Variants in MYO9B observed in about 807,000 individuals in gnomAD.
MYO9B encodes myosin IXB.
MYO9B carries 71 observed loss-of-function variants against 229.5 expected under a neutral mutation model. The observed-to-expected ratio is 0.31, with a 90% confidence interval of 0.26 to 0.38. The LOEUF (loss-of-function observed/expected upper bound fraction) is 0.38. Among genes scored for constraint, MYO9B ranks in the 10% least tolerant of loss-of-function variants. The pLI is 1.00. For synonymous variants in MYO9B, 1,185 were observed against 1,235.8 expected, an observed-to-expected ratio of 0.96 and a Z score of 0.86; for missense variants, 2,255 against 2,920.5, an observed-to-expected ratio of 0.77 and a Z score of 5.25.
intron 2 of MYO9B, among the ~76,000 whole-genome samples, chr19:17,134,311 T>C (rs890380362): frequency 2.6e-5 from 4 of 151,544 alleles, no homozygotes; most frequent in Admixed American, 1.3e-4. Flanking sequence ...CTTATTAACA[T>C]AGTATCCCTC....
At chr19:17,159,229 C>T (rs949451378) in intron 7 of MYO9B, among the ~76,000 whole-genome samples, 166 bp from the exon 8 acceptor site, 1 of 98,236 alleles carries the variant, frequency 1.0e-5, no homozygotes, top group African/African-American at 4.0e-5. Context: ...AAAACCAGCA[C>T]ATCGCGGGTG....
chr19:17,107,717 CAG>C (rs2057805764), intron 2 of MYO9B, among the ~76,000 whole-genome samples: 1 of 152,246 alleles, frequency 6.6e-6, no homozygotes, highest in South Asian at 2.1e-4. Flanking sequence ...CCTCTGTCGT[CAG>C]GGGCGTTCTT....
chr19:17,076,586 C>T (rs574301276), intron 1 of MYO9B, among the ~76,000 whole-genome samples: 8 of 152,024 alleles, frequency 5.3e-5, no homozygotes, highest in Non-Finnish European at 1.0e-4. Context: ...ATTCCGTCCC[C>T]CCACCCTCCC....
Position 17,203,104 on chromosome 19 carries a change from G to A in MYO9B, c.4879-43G>A, listed in dbSNP as rs202185320. ...CATCCACCAGTGGCTGGGGAGGGCT[G>A]CCTTCCCCTTTCCCTGCCCAGCGCC... is the stretch of plus-strand genomic sequence containing the variant. On this transcript the variant is annotated intron_variant, in intron 29 of 39. Transcript: ENST00000682292. The A allele has an allele frequency of 2.0e-6, 3 of 1,509,022 alleles. No homozygotes were observed. In the East Asian group the frequency reaches 7.4e-5, roughly 37 times the overall value. The allele number at this position is 1,509,022 out of a possible 1,614,324, so 93.5% of individuals were successfully genotyped here. A position where few individuals can be genotyped will look rare whatever the true frequency, so the allele number is the denominator to read the frequency against.
intron 2 of MYO9B, among the ~76,000 whole-genome samples, chr19:17,108,327 T>C (rs1568665489): frequency 6.6e-6 from 1 of 152,010 alleles, no homozygotes; most frequent in Non-Finnish European, 1.5e-5. Context: ...CTGGGGCGAC[T>C]GTTTGCAAAG....
chr19:17,188,637 G>A (rs1330204445), intron 19 of MYO9B, among the ~76,000 whole-genome samples: 1 of 152,054 alleles, frequency 6.6e-6, no homozygotes, highest in Non-Finnish European at 1.5e-5. Flanking sequence ...GATAAGAAAA[G>A]CAAAATTATA....
At chr19:17,138,665 C>T (rs1002774981) in intron 2 of MYO9B, among the ~76,000 whole-genome samples, 5 of 152,156 alleles carry the variant, frequency 3.3e-5, no homozygotes, top group East Asian at 1.9e-4. Flanking sequence ...TTAATCTGTT[C>T]GGGCTACTGT....
Position 17,134,127 on chromosome 19 carries a change from T to C in MYO9B, c.841-11270T>C, listed in dbSNP as rs1599357111. Among the ~76,000 whole-genome samples, 3 of 152,040 alleles carry C rather than the reference T, an allele frequency of 2.0e-5. No homozygotes were observed. In the East Asian group the frequency reaches 5.8e-4, roughly 29 times the overall value. ...ATGTGTAGTTTGTTACAGGGATATA[T>C]TGGGTAATGGTTAGGGTTGGGCTTC... On this transcript the variant is annotated intron_variant, in intron 2 of 39. Coordinates refer to ENST00000682292, the MANE Select transcript of MYO9B (RefSeq NM_004145.4).
intron 22 of MYO9B, among the ~76,000 whole-genome samples, chr19:17,197,293 T>C (rs945292460): frequency 1.5e-5 from 2 of 132,472 alleles, no homozygotes; most frequent in African/African-American, 5.9e-5. Flanking sequence ...AAAAAAAAGA[T>C]AGATAGAGAT....
At chr19:17,173,028 T>C (rs1314288567) in intron 13 of MYO9B, 65 bp downstream of exon 13, 1 of 1,543,940 alleles carries the variant, frequency 6.5e-7, no homozygotes. Flanking sequence ...CCTGAGTTCA[T>C]CTTAAAGTGA....
chr19:17,086,417 C>T (rs934365201), intron 1 of MYO9B, among the ~76,000 whole-genome samples: 1 of 152,206 alleles, frequency 6.6e-6, no homozygotes, highest in Non-Finnish European at 1.5e-5. Flanking sequence ...TTGCCCTGAG[C>T]GCCGCCCCAC....
rs754406072 is a variant in MYO9B, at chr19:17,156,798, C to T, written c.1200-111C>T. 6.2e-5 allele frequency: 79 copies of T among 1,281,892 alleles called. No individual in the cohort carries two copies. In the East Asian group the frequency reaches 6.8e-4, roughly 11 times the overall value. The allele number at this position is 1,281,892 out of a possible 1,614,324, so 79.4% of individuals were successfully genotyped here. On this transcript the variant is annotated intron_variant, in intron 6 of 39. Coordinates refer to ENST00000682292, the MANE Select transcript of MYO9B (RefSeq NM_004145.4). ...CCTTAGACATTTTTCAAATTTCATG[C>T]GTTCCGACCAGAATTTGCTGGTTTT...
chr19:17,160,937 G>A (rs2072593983), intron 8 of MYO9B, among the ~76,000 whole-genome samples: 1 of 151,774 alleles, frequency 6.6e-6, no homozygotes, highest in Admixed American at 6.6e-5. Flanking sequence ...GACCTCAGGT[G>A]ATCCACCCGC....
chr19:17,162,968 A>G lies in MYO9B; in HGVS notation c.1537-20A>G. On this transcript the variant is annotated intron_variant, in intron 9 of 39. Transcript: ENST00000682292. ...CGGGGTGCACCTGCGGGCAGTGACCATTTTCTCTGTCTCTCCCAGTGCCTG... is the reference window on the plus strand; with the variant it reads ...CGGGGTGCACCTGCGGGCAGTGACCGTTTTCTCTGTCTCTCCCAGTGCCTG... The G allele has an allele frequency of 6.2e-7, 1 of 1,605,676 alleles. No individual in the cohort carries two copies. Among genetic ancestry groups the G allele is most frequent in the Non-Finnish European group, 8.5e-7 (1 of 1,176,350 alleles).
chr19:17,163,306 C>T (rs1318825658), intron 10 of MYO9B, among the ~76,000 whole-genome samples, 184 bp downstream of exon 10: 1 of 151,602 alleles, frequency 6.6e-6, no homozygotes, highest in African/African-American at 2.4e-5. Flanking sequence ...CAAACTGAGA[C>T]TCTGTCCCCA....
intron 2 of MYO9B, among the ~76,000 whole-genome samples, chr19:17,126,366 G>A (rs1045476663): frequency 6.6e-6 from 1 of 152,226 alleles, no homozygotes; most frequent in East Asian, 1.9e-4. Flanking sequence ...ACCTCCTGCC[G>A]ACCCATCCTG....
chr19:17,204,420 C>T (rs2073138534), intron 30 of MYO9B, among the ~76,000 whole-genome samples: 1 of 150,752 alleles, frequency 6.6e-6, no homozygotes, highest in Non-Finnish European at 1.5e-5. Context: ...CAGGTCCCCA[C>T]AAACACCTGC....
chr19:17,106,145 A>G (rs1257802407), intron 2 of MYO9B, among the ~76,000 whole-genome samples: 1 of 152,000 alleles, frequency 6.6e-6, no homozygotes, highest in Non-Finnish European at 1.5e-5. Flanking sequence ...CCAGGTGTGC[A>G]CCACCATGCC....
intron 10 of MYO9B, among the ~76,000 whole-genome samples, chr19:17,166,500 T>A (rs906669897): frequency 1.4e-5 from 2 of 145,452 alleles, no homozygotes; most frequent in Non-Finnish European, 3.0e-5. Context: ...TATATTTATG[T>A]TTTTTTTTTT....
Sources: gnomAD v4.1 joint callset for allele counts (sites outside exome capture counted in the v4.1 genomes callset) on GRCh38, gnomAD v4.1.1 for gene constraint, MANE v1.5 for transcripts, NCBI Gene and HGNC (gene_info 2026-07-23, HGNC 2026-07-21) for gene names.